Variants in CFHR2 observed in about 807,000 individuals in gnomAD.
CFHR2 encodes the protein complement factor H-related protein 2.
In CFHR2, 22 loss-of-function variants were observed where a neutral mutation model predicts 21.7. The ratio of observed to expected loss-of-function variants is 1.01; its 90% CI spans 0.72 to 1.45. The LOEUF (loss-of-function observed/expected upper bound fraction) is 1.45. CFHR2 is among the 40% of genes most tolerant of loss of function. The pLI is 0.00. For missense variants in CFHR2, 294 were observed against 293.3 expected (o/e 1.00, Z -0.02); for synonymous variants, 98 against 97.4 (o/e 1.01, Z -0.04).
intron 1 of CFHR2, among the ~76,000 whole-genome samples, chr1:196,948,580 C>T (rs1659607451): frequency 6.6e-6 from 1 of 152,102 alleles, no homozygotes; most frequent in African/African-American, 2.4e-5. Flanking sequence ...CCAACCCTCT[C>T]ATACAATTTA....
In CFHR2 at chr1:196,959,005, T is replaced by C; in HGVS notation, c.738T>C (p.His246=). ...AATTTGTTTGTAAATCTGGATATCA[T>C]CCAACAAAATCTCATTCATTTCGAG... ...IVEFVCKSGY[H]PTKSHSFRAM... is the part of the protein sequence containing the mutation. The change falls in exon 5 of 5, where the codon CAT becomes CAC. Residue 246 remains histidine (H), a synonymous_variant. Coordinates refer to ENST00000367415, the MANE Select transcript of CFHR2 (RefSeq NM_005666.4). 6.2e-7 allele frequency: 1 copy of C among 1,612,556 alleles called. No homozygotes were observed. Among genetic ancestry groups the C allele is most frequent in the Non-Finnish European group, 8.5e-7 (1 of 1,179,076 alleles).
At chr1:196,954,119 T>C (rs564980126) in intron 3 of CFHR2, among the ~76,000 whole-genome samples, 138 of 152,352 alleles carry the variant, frequency 9.1e-4, no homozygotes, top group Non-Finnish European at 1.5e-3. Flanking sequence ...GATATTTAGT[T>C]ACCCATTTGG....
At chr1:196,956,963 G>C (rs77945506) in intron 3 of CFHR2, among the ~76,000 whole-genome samples, 3,069 of 152,194 alleles carry the variant, frequency 0.02, 105 homozygotes, top group African/African-American at 0.071. Context: ...AAAAGGGAGC[G>C]GTGTCTTGTT....
At chr1:196,955,140 C>T (rs1652815468) in intron 3 of CFHR2, among the ~76,000 whole-genome samples, 1 of 152,188 alleles carries the variant, frequency 6.6e-6, no homozygotes, top group Non-Finnish European at 1.5e-5. Flanking sequence ...AAATTTCCTA[C>T]TCCAGTTACC....
intron 3 of CFHR2, among the ~76,000 whole-genome samples, chr1:196,955,771 G>A (rs1652850583): frequency 6.6e-6 from 1 of 152,016 alleles, no homozygotes; most frequent in African/African-American, 2.4e-5. Flanking sequence ...CACTTGAGCT[G>A]GGGAAGCAGA....
intron 1 of CFHR2, among the ~76,000 whole-genome samples, chr1:196,945,773 A>AGTGTGTGTGT (rs1401143323): frequency 8.1e-5 from 7 of 86,686 alleles, no homozygotes; most frequent in African/African-American, 3.4e-4. Flanking sequence ...GGTGACTGTG[A>AGTGTGTGTGT]GTGAGTGTGT....
At chr1:196,949,374 A>G (rs1330146652) in intron 1 of CFHR2, 81 bp from the exon 2 acceptor site, 47 of 1,370,474 alleles carry the variant, frequency 3.4e-5, no homozygotes, top group Non-Finnish European at 4.7e-5. Flanking sequence ...AAAAAAACTA[A>G]ATGAGATGAT....
At chr1:196,949,867 G>A (rs567496248) in intron 2 of CFHR2, among the ~76,000 whole-genome samples, 12 of 152,240 alleles carry the variant, frequency 7.9e-5, no homozygotes, top group Admixed American at 2.6e-4. Context: ...TCTACATGTT[G>A]AAATATATCA....
intron 3 of CFHR2, among the ~76,000 whole-genome samples, chr1:196,957,187 T>C (rs902511047): frequency 5.3e-5 from 8 of 152,144 alleles, no homozygotes; most frequent in Non-Finnish European, 1.5e-5. Context: ...GAACCTCATA[T>C]CAATACTGGG....
intron 1 of CFHR2, among the ~76,000 whole-genome samples, chr1:196,944,662 C>T (rs1308265970): frequency 6.6e-6 from 1 of 151,948 alleles, no homozygotes; most frequent in Non-Finnish European, 1.5e-5. Flanking sequence ...TAAACTATGT[C>T]TGTACTTGGA....
At chr1:196,951,937 G>A (rs1198199275) in intron 3 of CFHR2, among the ~76,000 whole-genome samples, 6 of 152,084 alleles carry the variant, frequency 3.9e-5, no homozygotes, top group Admixed American at 2.6e-4. Flanking sequence ...AGTCATCACG[G>A]TCATGTGCTG....
At chr1:196,951,729 C>T (rs575565928) in intron 3 of CFHR2, among the ~76,000 whole-genome samples, 1 of 152,240 alleles carries the variant, frequency 6.6e-6, no homozygotes, top group South Asian at 2.1e-4. Context: ...CTTCATACCA[C>T]TTTCTCTCTG....
intron 3 of CFHR2, among the ~76,000 whole-genome samples, chr1:196,955,065 C>T (rs1411564311): frequency 6.6e-6 from 1 of 152,222 alleles, no homozygotes; most frequent in African/African-American, 2.4e-5. Flanking sequence ...TCTTCTACCA[C>T]ATGGTCAGGC....
At chr1:196,958,237 C>G (rs535983110) in intron 4 of CFHR2, among the ~76,000 whole-genome samples, 164 bp downstream of exon 4, 1 of 151,836 alleles carries the variant, frequency 6.6e-6, no homozygotes, top group Non-Finnish European at 1.5e-5. Context: ...AAATTTTTCT[C>G]TTTATATTTA....
chr1:196,957,485 A>G (rs937372515), intron 3 of CFHR2, among the ~76,000 whole-genome samples: 1 of 151,926 alleles, frequency 6.6e-6, no homozygotes, highest in Non-Finnish European at 1.5e-5. Flanking sequence ...TATTCTTTAA[A>G]TTTTTCCAGG....
intron 3 of CFHR2, among the ~76,000 whole-genome samples, chr1:196,957,030 G>A (rs1187464457): frequency 1.3e-5 from 2 of 152,148 alleles, no homozygotes; most frequent in African/African-American, 4.8e-5. Context: ...TTATCTAGAA[G>A]TGTGGAGGGT....
chr1:196,956,346 T>C (rs926702364), intron 3 of CFHR2, among the ~76,000 whole-genome samples: 17 of 152,254 alleles, frequency 1.1e-4, no homozygotes, highest in African/African-American at 4.1e-4. Context: ...GTATATTTTT[T>C]CAAGTTATGA....
chr1:196,947,129 ATGTG>A (rs60284392), intron 1 of CFHR2, among the ~76,000 whole-genome samples: 1,963 of 148,566 alleles, frequency 0.013, 16 homozygotes, highest in South Asian at 0.024. Context: ...GTATATATGT[ATGTG>A]TGTGTGTGTG....
At chr1:196,947,759 T>A (rs1182048638) in intron 1 of CFHR2, among the ~76,000 whole-genome samples, 3 of 152,172 alleles carry the variant, frequency 2.0e-5, no homozygotes, top group Non-Finnish European at 4.4e-5. Context: ...AGCAGTAATA[T>A]ATGAGGAACT....
Sources: gnomAD v4.1 joint callset for allele counts (sites outside exome capture counted in the v4.1 genomes callset) on GRCh38, gnomAD v4.1.1 for gene constraint, MANE v1.5 for transcripts, NCBI Gene and HGNC (gene_info 2026-07-23, HGNC 2026-07-21) for gene names.